The following IL10RB variants were observed in gnomAD, a reference collection of about 807,000 sequenced individuals.
IL10RB encodes the protein interleukin 10 receptor subunit beta.
A neutral mutation model predicts 38.7 loss-of-function variants in IL10RB; 30 were observed. The ratio of observed to expected loss-of-function variants is 0.78; its 90% CI spans 0.58 to 1.05. The LOEUF (loss-of-function observed/expected upper bound fraction) is 1.05. IL10RB is among the 50% of genes least tolerant of loss of function. The probability of loss-of-function intolerance (pLI) is 0.00; values close to 1 mark genes in which losing one functional copy is unlikely to be tolerated. For synonymous variants in IL10RB, 142 were observed against 145.9 expected (o/e 0.97, Z 0.19); for missense variants, 328 against 397.1 (o/e 0.83, Z 1.48).
At chr21:33,267,518 G>GT (rs757034791) in intron 1 of IL10RB, among the ~76,000 whole-genome samples, 928 of 45,068 alleles carry the variant, frequency 0.021, 15 homozygotes, top group African/African-American at 0.036. Flanking sequence ...TTGTTTTTTT[G>GT]TTTTTTTTTG....
At position 33,288,232 on chromosome 21, in the gene IL10RB, A is replaced by G. The variant is rs1456309688; in HGVS notation, c.775A>G (p.Arg259Gly). The change falls in exon 6 of 7, where the codon AGG (arginine) becomes GGG (glycine). Residue 259 changes from arginine to glycine, a missense_variant. By Grantham distance (125) the Arg-to-Gly change is moderately radical (BLOSUM62 -2). Coordinates refer to ENST00000290200, the MANE Select transcript of IL10RB (RefSeq NM_000628.5). ...GAAGACAAAGTACGCCTTCTCCCCT[A>G]GGAATTCTCTTCCACAGCACCTGAA... ...YKKTKYAFSPRNSLPQHLKEF... is the reference protein window; with the variant it reads ...YKKTKYAFSPGNSLPQHLKEF... The G allele has an allele frequency of 1.9e-6, 3 of 1,614,072 alleles. No individual in the cohort carries two copies. The highest frequency in any genetic ancestry group is 2.2e-5 in the South Asian group (2 of 91,082).
At position 33,276,742 on chromosome 21, in the gene IL10RB, C is replaced by T. The variant is rs1989178866; in HGVS notation, c.320C>T (p.Pro107Leu). The T allele has an allele frequency of 6.2e-7, 1 of 1,613,844 alleles. No homozygotes were observed. The highest frequency in any genetic ancestry group is 8.5e-7 in the Non-Finnish European group (1 of 1,179,790). ...GACTGGGTAAACATCACCTTCTGTC[C>T]TGTGGATGACAGTAAGCCATTTTGT... ...HSDWVNITFCPVDDTIIGPPG... is the reference protein window; with the variant it reads ...HSDWVNITFCLVDDTIIGPPG... The change falls in exon 3 of 7, where the codon CCT (proline) becomes CTT (leucine). Residue 107 changes from proline (P) to leucine (L), a missense_variant. Pro to Leu is a moderately conservative substitution (Grantham distance 98). Transcript: ENST00000290200.
At chr21:33,300,597 A>G (rs532970983), downstream of IL10RB, among the ~76,000 whole-genome samples, 3 of 152,228 alleles carry the variant, frequency 2.0e-5, no homozygotes, top group Non-Finnish European at 4.4e-5. Context: ...GAAAACAGTT[A>G]TGTTCTGTAC....
At chr21:33,295,721 C>A (rs546775938) in intron 6 of IL10RB, among the ~76,000 whole-genome samples, 2 of 147,946 alleles carry the variant, frequency 1.4e-5, no homozygotes, top group East Asian at 4.0e-4. Flanking sequence ...AGTATCCCCA[C>A]TTGTAAAAAA....
rs1424119511 is a variant in IL10RB at position 33,283,074 on chromosome 21, A to T, written c.499-20A>T. ...CCTTCCACTGCTTAGTCATGTTCTT[A>T]TTTTTGTCTCCATTACTAGTTTCAA... On this transcript the variant is annotated intron_variant, in intron 4 of 6. Coordinates refer to ENST00000290200, the MANE Select transcript of IL10RB (RefSeq NM_000628.5). The T allele has an allele frequency of 1.0e-5, 16 of 1,604,432 alleles. No individual in the cohort carries two copies. Among genetic ancestry groups the T allele is most frequent in the Non-Finnish European group, 1.4e-5 (16 of 1,171,766 alleles).
intron 1 of IL10RB, among the ~76,000 whole-genome samples, chr21:33,304,847 A>G (rs1381488630): frequency 6.6e-6 from 1 of 152,248 alleles, no homozygotes; most frequent in East Asian, 1.9e-4. Flanking sequence ...GTGGCATCAC[A>G]AACACTATGT....
At chr21:33,307,312 A>G (rs1346428795) in intron 1 of IL10RB, among the ~76,000 whole-genome samples, 1 of 152,174 alleles carries the variant, frequency 6.6e-6, no homozygotes, top group East Asian at 1.9e-4. Flanking sequence ...CCATAATACT[A>G]TCACACCAAG....
chr21:33,302,270 G>A (rs555368257), intron 1 of IL10RB, among the ~76,000 whole-genome samples: 1 of 152,348 alleles, frequency 6.6e-6, no homozygotes, highest in Admixed American at 6.5e-5. Flanking sequence ...TCCTCATCCA[G>A]GGAGCTGCCA....
chr21:33,288,385 A>G (rs562972112), intron 6 of IL10RB, 124 bp downstream of exon 6: 51 of 627,954 alleles, frequency 8.1e-5, no homozygotes, highest in East Asian at 9.8e-5. Context: ...GCGCGCGCAC[A>G]CACACACACA....
At chr21:33,305,256 G>T (rs528541004) in intron 1 of IL10RB, among the ~76,000 whole-genome samples, 22 of 152,080 alleles carry the variant, frequency 1.4e-4, no homozygotes, top group African/African-American at 4.8e-4. Context: ...CTACCGATGC[G>T]CACCACCACG....
At chr21:33,289,789 G>T (rs1199077407) in intron 6 of IL10RB, among the ~76,000 whole-genome samples, 1 of 152,160 alleles carries the variant, frequency 6.6e-6, no homozygotes, top group Admixed American at 6.6e-5. Flanking sequence ...CCAGGTGTCA[G>T]CAAACTTTTT....
In IL10RB at chr21:33,283,164, A is replaced by G; in HGVS notation, c.569A>G (p.Gln190Arg). 2 of 1,614,050 alleles carry G rather than the reference A, an allele frequency of 1.2e-6. No individual in the cohort carries two copies. The highest frequency in any genetic ancestry group is 1.7e-5 in the Admixed American group (1 of 60,018). Residue 190 changes from glutamine (Q) to arginine (R), a missense_variant, in exon 5 of 7, where the codon CAA (glutamine) becomes CGA (arginine). Transcript: ENST00000290200. ...NLEPWTTYCV[Q>R]VRGFLPDRNK... ...GAGCCATGGACAACTTATTGTGTTC[A>G]AGTTCGAGGGTTTCTTCCTGATCGG...
rs776563865 is a variant in IL10RB, at chr21:33,296,263, T to C, written c.884T>C (p.Leu295Pro). The change falls in exon 7 of 7, where the codon CTA (leucine) becomes CCA (proline). Residue 295 changes from leucine to proline, a missense_variant. By Grantham distance (98) the Leu-to-Pro change is moderately conservative. Transcript: ENST00000290200. ...LSDENDVFDK[L>P]SVIAEDSESG... ...GATGAGAATGATGTTTTTGACAAGC[T>C]AAGTGTCATTGCAGAAGACTCTGAG... 6.2e-7 allele frequency: 1 copy of C among 1,614,116 alleles called. No individual in the cohort carries two copies. Among genetic ancestry groups the C allele is most frequent in the South Asian group, 1.1e-5 (1 of 91,072 alleles).
At chr21:33,302,353 T>A (rs2082987952) in intron 1 of IL10RB, among the ~76,000 whole-genome samples, 1 of 152,146 alleles carries the variant, frequency 6.6e-6, no homozygotes, top group Non-Finnish European at 1.5e-5. Flanking sequence ...AAGCTGGGGG[T>A]TCCCCGATGA....
intron 6 of IL10RB, among the ~76,000 whole-genome samples, chr21:33,291,424 C>G (rs1989484706): frequency 1.3e-5 from 2 of 152,126 alleles, no homozygotes; most frequent in African/African-American, 2.4e-5. Flanking sequence ...CTCCACCACG[C>G]CCGGCTAATT....
At chr21:33,268,325 A>G in intron 1 of IL10RB, 69 bp from the exon 2 acceptor site, 3 of 1,609,644 alleles carry the variant, frequency 1.9e-6, no homozygotes, top group Non-Finnish European at 2.5e-6. Flanking sequence ...CAAGTGCTGG[A>G]TGTGGGCTTT....
intron 2 of IL10RB, among the ~76,000 whole-genome samples, chr21:33,270,816 A>G (rs780826665): frequency 1.2e-4 from 18 of 151,950 alleles, no homozygotes; most frequent in Non-Finnish European, 1.9e-4. Flanking sequence ...CTGGGACTAC[A>G]AGCACATGCC....
chr21:33,283,141 G>A lies in IL10RB; in HGVS notation c.546G>A (p.Glu182=). The A allele has an allele frequency of 6.2e-7, 1 of 1,613,862 alleles. No individual in the cohort carries two copies. The highest frequency in any genetic ancestry group is 1.1e-5 in the South Asian group (1 of 91,068). ...ACTTTGAGGTCCTCAGAAACCTGGA[G>A]CCATGGACAACTTATTGTGTTCAAG... The part of the protein sequence containing the change: ...QYDFEVLRNL[E]PWTTYCVQVR... The change falls in exon 5 of 7, where the codon GAG becomes GAA. Residue 182 remains glutamate, a synonymous_variant. Transcript: ENST00000290200.
intron 2 of IL10RB, 125 bp from the exon 3 acceptor site, chr21:33,276,471 C>G: frequency 1.3e-6 from 1 of 757,342 alleles, no homozygotes; most frequent in South Asian, 1.4e-5. Context: ...TTTGAAGACA[C>G]GTATTTCTAT....
Sources: gnomAD v4.1 joint callset for allele counts (sites outside exome capture counted in the v4.1 genomes callset) on GRCh38, gnomAD v4.1.1 for gene constraint, MANE v1.5 for transcripts, NCBI Gene and HGNC (gene_info 2026-07-23, HGNC 2026-07-21) for gene names.